The following MECOM variants were observed in gnomAD, a reference collection of about 807,000 sequenced individuals.
The protein encoded by MECOM is MDS1 and EVI1 complex locus, also known as histone-lysine N-methyltransferase MECOM.
In MECOM, 13 loss-of-function variants were observed where a neutral mutation model predicts 116.3. The observed-to-expected ratio is 0.11, with a 90% CI of 0.07 to 0.18. The LOEUF is 0.18. Ranked by LOEUF, MECOM falls within the 10% of genes least tolerant of loss-of-function variation. The pLI, the probability that MECOM is intolerant of heterozygous loss-of-function variation, is 1.00. For missense variants in MECOM, 1,299 were observed against 1,509.0 expected (o/e 0.86, Z 2.31); for synonymous variants, 528 against 535.2 (o/e 0.99, Z 0.19).
intron 2 of MECOM, among the ~76,000 whole-genome samples, chr3:169,191,379 GAC>G (rs1344248820): frequency 6.6e-6 from 1 of 151,914 alleles, no homozygotes; most frequent in African/African-American, 2.4e-5. Context: ...GAAGGAAGAG[GAC>G]CAAGAGGGTA....
At chr3:169,482,585 C>T (rs549342030) in intron 1 of MECOM, among the ~76,000 whole-genome samples, 3 of 152,236 alleles carry the variant, frequency 2.0e-5, no homozygotes, top group South Asian at 2.1e-4. Flanking sequence ...CCGCCCGCCT[C>T]GGCCTCCCAA....
intron 2 of MECOM, among the ~76,000 whole-genome samples, chr3:169,207,466 A>G: frequency 6.6e-6 from 1 of 152,198 alleles, no homozygotes; most frequent in East Asian, 1.9e-4. Flanking sequence ...AATAATATAG[A>G]TATAAGAAAA....
At chr3:169,646,192 G>A (rs998759755) in intron 1 of MECOM, among the ~76,000 whole-genome samples, 25 of 151,582 alleles carry the variant, frequency 1.6e-4, no homozygotes, top group East Asian at 1.9e-4. Flanking sequence ...GAATAGTGCC[G>A]CAATAAACAT....
intron 2 of MECOM, among the ~76,000 whole-genome samples, chr3:169,293,897 T>C (rs1220008323): frequency 2.0e-5 from 3 of 152,204 alleles, no homozygotes; most frequent in Non-Finnish European, 4.4e-5. Flanking sequence ...AATAACCTGA[T>C]CACAGTCCTC....
rs1267569449 is a variant in MECOM at position 169,361,005 on chromosome 3, C to T, written c.375+20182G>A. ...CTGAAGCCTGAGGAGGCAGAGTTTACAAGACACAAGAGTGCTGGGGGCCAA... is the reference window on the plus strand; with the variant it reads ...CTGAAGCCTGAGGAGGCAGAGTTTATAAGACACAAGAGTGCTGGGGGCCAA... On this transcript the variant is annotated intron_variant, in intron 2 of 16. Transcript: ENST00000651503. Among the ~76,000 whole-genome samples, 3 of 151,658 alleles carry T rather than the reference C, an allele frequency of 2.0e-5. No individual in the cohort carries two copies. The East Asian group carries it at 5.9e-4, about 30-fold the overall frequency.
intron 2 of MECOM, among the ~76,000 whole-genome samples, chr3:169,210,871 A>G (rs1034531801): frequency 2.0e-5 from 3 of 152,136 alleles, no homozygotes; most frequent in Non-Finnish European, 4.4e-5. Flanking sequence ...TCATATAAAT[A>G]CAATTAGAGA....
intron 2 of MECOM, among the ~76,000 whole-genome samples, chr3:169,295,033 AT>A (rs1418745210): frequency 3.9e-5 from 6 of 152,076 alleles, no homozygotes; most frequent in African/African-American, 1.4e-4. Flanking sequence ...TTAAAAAAAA[AT>A]GTTTTCTATC....
intron 1 of MECOM, among the ~76,000 whole-genome samples, chr3:169,514,364 C>T (rs138173689): frequency 6.1e-4 from 93 of 151,764 alleles, no homozygotes; most frequent in African/African-American, 2.2e-3. Context: ...ACTCATTCTG[C>T]CTTATTTGTT....
intron 10 of MECOM, 28 bp from the exon 11 acceptor site, chr3:169,102,254 A>T (rs373970508): frequency 1.3e-6 from 2 of 1,587,218 alleles, no homozygotes; most frequent in East Asian, 2.3e-5. Flanking sequence ...AAGACCATGA[A>T]GCGTTTGGCA....
At chr3:169,456,105 G>A (rs1746445501) in intron 1 of MECOM, among the ~76,000 whole-genome samples, 1 of 152,064 alleles carries the variant, frequency 6.6e-6, no homozygotes, top group Non-Finnish European at 1.5e-5. Flanking sequence ...AAATTTATAT[G>A]GTCTGGCAAC....
chr3:169,422,293 T>C (rs1225433661), intron 1 of MECOM, among the ~76,000 whole-genome samples: 2 of 152,132 alleles, frequency 1.3e-5, no homozygotes, highest in Non-Finnish European at 2.9e-5. Context: ...TGATATGTTC[T>C]GTAGGATAAA....
intron 1 of MECOM, among the ~76,000 whole-genome samples, chr3:169,392,301 C>A (rs1734341701): frequency 6.6e-6 from 1 of 152,164 alleles, no homozygotes; most frequent in South Asian, 2.1e-4. Flanking sequence ...AAGGATTAAA[C>A]AGATGTCCCA....
chr3:169,604,865 T>C (rs148972556), intron 1 of MECOM, among the ~76,000 whole-genome samples: 5 of 152,346 alleles, frequency 3.3e-5, no homozygotes, highest in African/African-American at 1.2e-4. Context: ...ATTGAGCTTG[T>C]AGAAACAGTA....
intron 13 of MECOM, among the ~76,000 whole-genome samples, chr3:169,094,369 C>T (rs1461204690): frequency 6.6e-6 from 1 of 152,186 alleles, no homozygotes; most frequent in Non-Finnish European, 1.5e-5. Context: ...GCTCTGCACA[C>T]ATATGCCAGC....
At chr3:169,255,547 G>A (rs912005949) in intron 2 of MECOM, among the ~76,000 whole-genome samples, 1 of 152,034 alleles carries the variant, frequency 6.6e-6, no homozygotes, top group African/African-American at 2.4e-5. Context: ...TAAGTTAAAG[G>A]CATGAAATAC....
intron 1 of MECOM, among the ~76,000 whole-genome samples, chr3:169,446,341 G>A (rs899135301): frequency 1.9e-4 from 29 of 152,130 alleles, no homozygotes; most frequent in East Asian, 1.9e-4. Flanking sequence ...TATGTCTCAC[G>A]AGATCTGATG....
chr3:169,232,438 A>T (rs553984210), intron 2 of MECOM, among the ~76,000 whole-genome samples: 2,511 of 30,340 alleles, frequency 0.083, 37 homozygotes, highest in Middle Eastern at 0.11. Context: ...ATCTTAAAAA[A>T]GAAAAAAAAA....
At chr3:169,302,679 C>A (rs1215923035) in intron 2 of MECOM, among the ~76,000 whole-genome samples, 1 of 152,066 alleles carries the variant, frequency 6.6e-6, no homozygotes, top group Non-Finnish European at 1.5e-5. Flanking sequence ...GCCTGGCCAA[C>A]ATGAGCAAAC....
chr3:169,174,778 T>C (rs1031306090), intron 2 of MECOM, among the ~76,000 whole-genome samples: 4 of 90,144 alleles, frequency 4.4e-5, no homozygotes, highest in African/African-American at 3.4e-4. Flanking sequence ...ACACACAGCA[T>C]TTTAAAATTA....
Sources: allele counts gnomAD v4.1 joint callset (sites outside exome capture counted in the v4.1 genomes callset), GRCh38; gene constraint gnomAD v4.1.1; transcripts MANE v1.5; gene names NCBI Gene and HGNC (gene_info 2026-07-23, HGNC 2026-07-21).